QTRT2: variants seen among roughly 807,000 people sequenced by gnomAD.
QTRT2 encodes the protein queuine tRNA-ribosyltransferase domain containing 1.
QTRT2 carries 32 observed loss-of-function variants against 44.8 expected under a neutral mutation model. The ratio of observed to expected loss-of-function variants is 0.71; its 90% CI spans 0.54 to 0.96. The LOEUF is 0.96. QTRT2 is among the 40% of genes least tolerant of loss of function. The pLI, the probability that QTRT2 is intolerant of heterozygous loss-of-function variation, is 0.00. For missense variants in QTRT2, 461 were observed against 503.1 expected, an observed-to-expected ratio of 0.92 and a Z score of 0.80; for synonymous variants, 182 against 187.4, an observed-to-expected ratio of 0.97 and a Z score of 0.24.
chr3:114,078,505 CAT>C (rs993550269), intron 7 of QTRT2: 5 of 148,034 alleles, frequency 3.4e-5, no homozygotes, highest in African/African-American at 1.3e-4. Context: ...GTAAAACAAA[CAT>C]AAAAAAGAGC....
intron 2 of QTRT2, among the ~76,000 whole-genome samples, chr3:114,061,170 C>T (rs1014696531): frequency 4.0e-5 from 6 of 150,328 alleles, no homozygotes; most frequent in Non-Finnish European, 7.4e-5. Context: ...CTTTATGTAC[C>T]TTCTTCTTCC....
At chr3:114,071,275 ATCCACCAAGCTCC>A (rs1441723390) in intron 6 of QTRT2, among the ~76,000 whole-genome samples, 7 of 152,030 alleles carry the variant, frequency 4.6e-5, no homozygotes, top group Admixed American at 3.9e-4. Context: ...CATTTATGGC[ATCCACCAAGCTCC>A]TCAGCCCAGA....
At chr3:114,077,087 G>A in intron 7 of QTRT2, 145 bp downstream of exon 7, 1 of 718,900 alleles carries the variant, frequency 1.4e-6, no homozygotes, top group Non-Finnish European at 2.3e-6. Context: ...CTGAGGTGCT[G>A]AGGCAGACTG....
At chr3:114,070,214 C>T (rs1183956473) in intron 5 of QTRT2, among the ~76,000 whole-genome samples, 3 of 151,970 alleles carry the variant, frequency 2.0e-5, no homozygotes, top group Admixed American at 6.6e-5. Context: ...TTACACTTGC[C>T]CTATATGTAA....
At position 114,067,974 on chromosome 3, in the gene QTRT2, T is replaced by C. The variant is rs761175135; in HGVS notation, c.257-13T>C. On this transcript the variant is annotated splice_polypyrimidine_tract_variant and intron_variant, in intron 4 of 9. Transcript: ENST00000281273. ...GTAAGCACTTTCAAGGGTTCTTTTT[T>C]GTGTTTATACAGGCATGCCAGAATC... The C allele has an allele frequency of 2.5e-6, 4 of 1,613,070 alleles. No individual in the cohort carries two copies. Among genetic ancestry groups the C allele is most frequent in the Admixed American group, 1.7e-5 (1 of 59,972 alleles).
chr3:114,084,025 G>A (rs1371863059), intron 9 of QTRT2, among the ~76,000 whole-genome samples: 1 of 150,394 alleles, frequency 6.6e-6, no homozygotes, highest in Non-Finnish European at 1.5e-5. Context: ...GCTCTTGACT[G>A]TGTGACTTTG....
rs2077226023 is a variant in QTRT2 at position 114,085,659 on chromosome 3, G to T, written c.1017-14G>T. 6 of 1,605,256 alleles carry T rather than the reference G, an allele frequency of 3.7e-6. No individual in the cohort carries two copies. Among genetic ancestry groups the T allele is most frequent in the South Asian group, 3.3e-5 (3 of 90,852 alleles). On this transcript the variant is annotated splice_polypyrimidine_tract_variant and intron_variant, in intron 9 of 9. Transcript: ENST00000281273. ...TCCGTACTTTCTGGAATGTCACTGTGACTTCTTTCTTAGGTACCAGGAGGA... is the reference window on the plus strand; with the variant it reads ...TCCGTACTTTCTGGAATGTCACTGTTACTTCTTTCTTAGGTACCAGGAGGA...
chr3:114,082,419 A>G (rs1222592027), intron 8 of QTRT2: 3 of 219,370 alleles, frequency 1.4e-5, no homozygotes, highest in East Asian at 9.8e-5. Context: ...TGATACGATT[A>G]TATGTTATAT....
At chr3:114,078,749 A>G (rs1052831074) in intron 7 of QTRT2, 1 of 152,230 alleles carries the variant, frequency 6.6e-6, no homozygotes, top group Non-Finnish European at 1.5e-5. Context: ...TCCAAAATCC[A>G]AAATTCTCCA....
chr3:114,061,879 A>G (rs536136108), intron 2 of QTRT2, among the ~76,000 whole-genome samples: 21 of 152,246 alleles, frequency 1.4e-4, no homozygotes, highest in African/African-American at 5.1e-4. Flanking sequence ...TGCCCAACCA[A>G]AGCCACTTTC....
intron 6 of QTRT2, among the ~76,000 whole-genome samples, chr3:114,076,514 A>G (rs2077092572): frequency 6.6e-6 from 1 of 152,340 alleles, no homozygotes; most frequent in Middle Eastern, 3.4e-3. Context: ...TGTTGAATGC[A>G]TCTTTTTCCT....
At chr3:114,078,247 ACTT>A (rs1274340887) in intron 7 of QTRT2, 3 of 152,118 alleles carry the variant, frequency 2.0e-5, no homozygotes, top group Admixed American at 6.6e-5. Flanking sequence ...CATTTTCTGG[ACTT>A]CTTCATGTTA....
At position 114,080,496 on chromosome 3, in the gene QTRT2, TTTTTAATACACCAGGCTTTG is replaced by T. The variant is rs1246478310; in HGVS notation, c.898+440_898+459del. Among the ~76,000 whole-genome samples, 4 of 152,240 alleles carry T rather than the reference TTTTTAATACACCAGGCTTTG, an allele frequency of 2.6e-5. No individual in the cohort carries two copies. In the South Asian group the frequency reaches 6.2e-4, roughly 24 times the overall value. On this transcript the variant is annotated intron_variant, in intron 8 of 9. Coordinates refer to ENST00000281273, the MANE Select transcript of QTRT2 (RefSeq NM_024638.4). ...TCCTAGTGTTACTTCTTGCATTTTT[TTTTTAATACACCAGGCTTTG>T]AAAGCTATTTTCCTTTGCTAATGTT... is the stretch of plus-strand genomic sequence containing the variant.
chr3:114,069,134 A>G (rs911838558), intron 5 of QTRT2, among the ~76,000 whole-genome samples: 1 of 151,966 alleles, frequency 6.6e-6, no homozygotes, highest in African/African-American at 2.4e-5. Context: ...AGTAATTCTG[A>G]TGCCTTAGTA....
intron 2 of QTRT2, among the ~76,000 whole-genome samples, chr3:114,063,335 A>G (rs2076912207): frequency 6.6e-6 from 1 of 152,224 alleles, no homozygotes. Flanking sequence ...ACTTGAAATC[A>G]GTATTATCTG....
At chr3:114,076,372 A>G (rs920211880) in intron 6 of QTRT2, among the ~76,000 whole-genome samples, 1 of 151,930 alleles carries the variant, frequency 6.6e-6, no homozygotes, top group Non-Finnish European at 1.5e-5. Flanking sequence ...AGGTGTCGCT[A>G]TGTTGCCCAG....
At chr3:114,066,869 G>A (rs1273532319) in intron 4 of QTRT2, among the ~76,000 whole-genome samples, 1 of 152,120 alleles carries the variant, frequency 6.6e-6, no homozygotes, top group African/African-American at 2.4e-5. Context: ...AACATGCAGG[G>A]GAGGATGAAG....
rs540847712 is a variant in QTRT2 at position 114,088,179 on chromosome 3, C to A, written c.*2275C>A. ...GAGTAGTGGTAAATATTCCAGAATC[C>A]ATATGAAATTCATGAGTTTATTTAT... On this transcript the variant is annotated 3_prime_UTR_variant, in exon 10 of 10. Transcript: ENST00000281273. The A allele has an allele frequency of 6.6e-6, 1 of 152,286 alleles. No homozygotes were observed. The highest frequency in any genetic ancestry group is 2.1e-4 in the South Asian group (1 of 4,826). The allele number at this position is 152,286 out of a possible 1,614,324, so 9.4% of individuals were successfully genotyped here. A position where few individuals can be genotyped will look rare whatever the true frequency, so the allele number is the denominator to read the frequency against.
intron 8 of QTRT2, 48 bp from the exon 9 acceptor site, chr3:114,082,629 C>T (rs768742421): frequency 2.7e-6 from 2 of 744,510 alleles, no homozygotes; most frequent in Non-Finnish European, 4.5e-6. Flanking sequence ...CCAATGGCCA[C>T]TTCTTATCTG....
Sources: gnomAD v4.1 joint callset for allele counts (sites outside exome capture counted in the v4.1 genomes callset) on GRCh38, gnomAD v4.1.1 for gene constraint, MANE v1.5 for transcripts, NCBI Gene and HGNC (gene_info 2026-07-23, HGNC 2026-07-21) for gene names.